The following KIF13A variants were observed in gnomAD, a reference collection of about 807,000 sequenced individuals.
KIF13A encodes kinesin family member 13A, also known as kinesin-like protein KIF13A.
A neutral mutation model predicts 212.2 loss-of-function variants in KIF13A; 79 were observed. The observed-to-expected ratio is 0.37, with a 90% CI of 0.31 to 0.45. KIF13A has a LOEUF of 0.45. KIF13A is among the 20% of genes least tolerant of loss of function. The probability of loss-of-function intolerance (pLI) is 1.00; values close to 1 mark genes in which losing one functional copy is unlikely to be tolerated. For missense variants in KIF13A, 1,901 were observed against 2,209.0 expected, an observed-to-expected ratio of 0.86 and a Z score of 2.79; for synonymous variants, 789 against 808.6, an observed-to-expected ratio of 0.98 and a Z score of 0.41.
chr6:17,917,913 T>A (rs1774687485), intron 2 of KIF13A, among the ~76,000 whole-genome samples: 1 of 152,058 alleles, frequency 6.6e-6, no homozygotes. Flanking sequence ...CACTTCCACT[T>A]TGGAGGCTTC....
At chr6:17,805,681 A>G (rs77635105) in intron 18 of KIF13A, 66 bp from the exon 19 acceptor site, 49,429 of 1,414,128 alleles carry the variant, frequency 0.035, 1,039 homozygotes, top group Non-Finnish European at 0.042. Flanking sequence ...AAAGCAATAT[A>G]TATACAACAG....
At position 17,816,979 on chromosome 6, in the gene KIF13A, T is replaced by A. The variant is rs745614632; in HGVS notation, c.2000+41A>T. 1 of 1,545,968 alleles carries A rather than the reference T, an allele frequency of 6.5e-7. No homozygotes were observed. Among genetic ancestry groups the A allele is most frequent in the South Asian group, 1.2e-5 (1 of 86,368 alleles). ...ACCCCTCCCTCAAAGACCCACGGCC[T>A]TGGGGCCTTGACTCTGGGCTGCCCC... On this transcript the variant is annotated intron_variant, in intron 17 of 38. Transcript: ENST00000259711. The surrounding 1 kb of genome is among the most constrained non-coding windows in gnomAD (Gnocchi z 4.3).
At chr6:17,985,641 G>GGGGGGA (rs2150653668) in intron 2 of KIF13A, among the ~76,000 whole-genome samples, 2 of 95,194 alleles carry the variant, frequency 2.1e-5, no homozygotes, top group South Asian at 9.5e-4. Context: ...GCGGGGGGGT[G>GGGGGGA]GGGGGAGGGG....
chr6:17,813,341 A>G (rs960310331), intron 17 of KIF13A, among the ~76,000 whole-genome samples: 2 of 152,034 alleles, frequency 1.3e-5, no homozygotes, highest in African/African-American at 4.8e-5. Context: ...TTAGCCAGGT[A>G]TTGTGGTGGG....
chr6:17,874,672 T>C (rs1168095697), intron 3 of KIF13A, among the ~76,000 whole-genome samples: 1 of 151,892 alleles, frequency 6.6e-6, no homozygotes, highest in East Asian at 1.9e-4. Flanking sequence ...GTTACATGAG[T>C]TAGTTCTTTA....
Position 17,971,538 on chromosome 6 carries a change from C to T in KIF13A, c.146+15516G>A, listed in dbSNP as rs1166386981. ...CTGCATTCAAGTGATCCTCCCATTTCAGCCCTGCAAGTAGCTGGGACTACA... is the reference window on the plus strand; with the variant it reads ...CTGCATTCAAGTGATCCTCCCATTTTAGCCCTGCAAGTAGCTGGGACTACA... On this transcript the variant is annotated intron_variant, in intron 2 of 38. Coordinates refer to ENST00000259711, the MANE Select transcript of KIF13A (RefSeq NM_022113.6). The surrounding 1 kb of genome is among the most constrained non-coding windows in gnomAD (Gnocchi z 4.2). Among the ~76,000 whole-genome samples, 2 of 152,032 alleles carry T rather than the reference C, an allele frequency of 1.3e-5. No individual in the cohort carries two copies. Among genetic ancestry groups the T allele is most frequent in the Non-Finnish European group, 2.9e-5 (2 of 68,028 alleles).
chr6:17,779,663 T>C lies in KIF13A; in HGVS notation c.3868A>G (p.Arg1290Gly). The C allele has an allele frequency of 6.8e-7, 1 of 1,469,344 alleles. No homozygotes were observed. The highest frequency in any genetic ancestry group is 9.4e-7 in the Non-Finnish European group (1 of 1,061,906). 91.0% of individuals were successfully genotyped at this position (1,469,344 alleles called of 1,614,324 possible). ...NKQSFTQSLKRRISLKNIFYS... is the reference protein window; with the variant it reads ...NKQSFTQSLKGRISLKNIFYS... Reference sequence around the variant, plus strand: ...AATATATTTTTCAGGGATATTCTCCTCTTCAAACTCTGCGTGAAACTCTAG... The same window carrying C: ...AATATATTTTTCAGGGATATTCTCCCCTTCAAACTCTGCGTGAAACTCTAG... The change falls in exon 32 of 39, where the codon AGG becomes GGG. Residue 1290 changes from arginine (R) to glycine (G), a missense_variant. Physicochemically the swap from Arg to Gly is moderately radical, Grantham distance 125. Around this residue, in one of 5 missense-constraint regions of KIF13A, gnomAD observed 687 missense variants for 759.1 expected, o/e 0.90. Transcript: ENST00000259711.
chr6:17,859,638 A>ATTTTTTTTTTTTTTTTTT (rs1176958380), intron 4 of KIF13A, among the ~76,000 whole-genome samples: 4 of 111,862 alleles, frequency 3.6e-5, no homozygotes, highest in Non-Finnish European at 5.6e-5. Flanking sequence ...ATATATATAT[A>ATTTTTTTTTTTTTTTTTT]TTTTTTTTTT....
intron 17 of KIF13A, chr6:17,812,350 C>T (rs1763501302): frequency 6.6e-6 from 1 of 152,066 alleles, no homozygotes; most frequent in Non-Finnish European, 1.5e-5. Flanking sequence ...CCTCCTCCCA[C>T]AGGCCCCAGT....
At chr6:17,884,419 T>C (rs1771356857) in intron 3 of KIF13A, among the ~76,000 whole-genome samples, 1 of 152,228 alleles carries the variant, frequency 6.6e-6, no homozygotes, top group Non-Finnish European at 1.5e-5. Flanking sequence ...AAATACTTTA[T>C]ATTCTCACCA....
chr6:17,937,897 C>T (rs1776617180), intron 2 of KIF13A, among the ~76,000 whole-genome samples: 1 of 152,064 alleles, frequency 6.6e-6, no homozygotes, highest in Admixed American at 6.6e-5. Flanking sequence ...CACAGGCGTG[C>T]AACACCACGC....
chr6:17,874,762 C>G lies in KIF13A; in HGVS notation c.160-1325G>C, dbSNP rs571024055. On this transcript the variant is annotated intron_variant, in intron 3 of 38. Coordinates refer to ENST00000259711, the MANE Select transcript of KIF13A (RefSeq NM_022113.6). ...CATATTTGTAGTCTTTTATCCCTCG[C>G]CCCTCTCCCACTCTTCCCCTCAAAT... Among the ~76,000 whole-genome samples the G allele has an allele frequency of 1.7e-4, 26 of 151,880 alleles. No individual in the cohort carries two copies. The South Asian group carries it at 5.4e-3, about 32-fold the overall frequency.
At chr6:17,784,555 C>T (rs1175768009) in intron 28 of KIF13A, among the ~76,000 whole-genome samples, 2 of 152,154 alleles carry the variant, frequency 1.3e-5, no homozygotes, top group Admixed American at 6.6e-5. Flanking sequence ...AGTCGTGGGT[C>T]CTTCCTTTCT....
rs555228580 is a variant in KIF13A at position 17,786,417 on chromosome 6, G to T, written c.3362-776C>A. The stretch of plus-strand genomic sequence containing the variant: ...AGTTCAAAACCAGCCTGACCAATAT[G>T]GTAAAACCCTGTCTCCACTAAAAAT... On this transcript the variant is annotated intron_variant, in intron 27 of 38. Coordinates refer to ENST00000259711, the MANE Select transcript of KIF13A (RefSeq NM_022113.6). This position sits in a 1 kb window ranked among gnomAD's most constrained non-coding sequence, Gnocchi z 5.4. Among the ~76,000 whole-genome samples the T allele has an allele frequency of 6.6e-6, 1 of 151,988 alleles. No individual in the cohort carries two copies. The highest frequency in any genetic ancestry group is 2.4e-5 in the African/African-American group (1 of 41,378).
At chr6:17,937,133 C>T (rs75283176) in intron 2 of KIF13A, among the ~76,000 whole-genome samples, 142 of 152,288 alleles carry the variant, frequency 9.3e-4, no homozygotes, top group Non-Finnish European at 1.7e-3. Flanking sequence ...AGCTCAACCG[C>T]AGTCACTGCA....
chr6:17,760,928 C>T, downstream of KIF13A: 1 of 1,601,872 alleles, frequency 6.2e-7, no homozygotes. Flanking sequence ...ACCTCCCCAC[C>T]CCACCCACAG....
chr6:17,817,262 T>TCTTA, intron 16 of KIF13A, 29 bp from the exon 17 acceptor site: 1 of 1,598,876 alleles, frequency 6.3e-7, no homozygotes, highest in Non-Finnish European at 8.6e-7. Context: ...AGGCAAGGTG[T>TCTTA]CTTAGTGGCG....
intron 38 of KIF13A, among the ~76,000 whole-genome samples, chr6:17,767,381 A>AGTAGCT (rs1561947042): frequency 6.6e-6 from 1 of 152,088 alleles, no homozygotes; most frequent in Admixed American, 6.5e-5. Flanking sequence ...CAGCCTCCCA[A>AGTAGCT]GTAGCTGGGA....
intron 2 of KIF13A, among the ~76,000 whole-genome samples, chr6:17,969,684 A>C (rs1779636417): frequency 1.3e-5 from 2 of 152,158 alleles, no homozygotes. Context: ...AGAATAGAGA[A>C]ATATTTTTAC....
Sources: allele counts gnomAD v4.1 joint callset (sites outside exome capture counted in the v4.1 genomes callset), GRCh38; gene constraint gnomAD v4.1.1; regional missense constraint gnomAD v4.1.1; non-coding constraint Gnocchi (gnomAD v3.1); transcripts MANE v1.5; gene names NCBI Gene and HGNC (gene_info 2026-07-23, HGNC 2026-07-21).